EHHADH: variants seen among roughly 807,000 people sequenced by gnomAD.
EHHADH encodes enoyl-CoA hydratase and 3-hydroxyacyl CoA dehydrogenase, also known as peroxisomal bifunctional enzyme.
EHHADH carries 48 observed loss-of-function variants against 64.4 expected under a neutral mutation model. That is an observed-to-expected ratio of 0.75 (90% CI 0.59 to 0.95). The LOEUF (loss-of-function observed/expected upper bound fraction) is 0.95. EHHADH is among the 40% of genes least tolerant of loss of function. The pLI is 0.00. For missense variants in EHHADH, 854 were observed against 876.6 expected (o/e 0.97, Z 0.33); for synonymous variants, 308 against 326.7 (o/e 0.94, Z 0.62).
chr3:185,201,428 G>A (rs896788341), intron 6 of EHHADH, among the ~76,000 whole-genome samples: 7 of 152,200 alleles, frequency 4.6e-5, no homozygotes, highest in African/African-American at 7.2e-5. Context: ...CCCATAAAGC[G>A]CAATGGTCTG....
intron 2 of EHHADH, among the ~76,000 whole-genome samples, chr3:185,237,189 CTAAT>C (rs948913309): frequency 6.6e-6 from 1 of 152,172 alleles, no homozygotes; most frequent in African/African-American, 2.4e-5. Flanking sequence ...ACATCAAAAT[CTAAT>C]TAATATTGGG....
At chr3:185,245,195 G>A (rs1388436325) in intron 2 of EHHADH, among the ~76,000 whole-genome samples, 1 of 151,672 alleles carries the variant, frequency 6.6e-6, no homozygotes, top group Non-Finnish European at 1.5e-5. Context: ...AATTTATCTT[G>A]TATTTTACAG....
chr3:185,235,541 T>C, intron 2 of EHHADH, 79 bp from the exon 3 acceptor site: 2 of 1,165,890 alleles, frequency 1.7e-6, no homozygotes, highest in Non-Finnish European at 2.3e-6. Flanking sequence ...TACCTGATAC[T>C]CTTTAAAAAA....
chr3:185,198,001 T>C (rs1269108661), intron 6 of EHHADH, among the ~76,000 whole-genome samples: 1 of 152,168 alleles, frequency 6.6e-6, no homozygotes, highest in Non-Finnish European at 1.5e-5. Context: ...TTCACCATGT[T>C]GGTCAGGCTG....
chr3:185,245,693 G>T, intron 2 of EHHADH: 1 of 713,684 alleles, frequency 1.4e-6, no homozygotes, highest in Admixed American at 2.1e-5. Context: ...TTTACAAGTT[G>T]GTTATTACCA....
At chr3:185,236,339 C>T (rs1254142322) in intron 2 of EHHADH, among the ~76,000 whole-genome samples, 1 of 143,396 alleles carries the variant, frequency 7.0e-6, no homozygotes, top group Non-Finnish European at 1.6e-5. Flanking sequence ...TGAGGTGGAA[C>T]AGTTTCATCC....
chr3:185,191,023 G>A lies in EHHADH; in HGVS notation c.*1203C>T, dbSNP rs1447602304. 6.6e-6 allele frequency: 1 copy of A among 152,102 alleles called. No individual in the cohort carries two copies. The highest frequency in any genetic ancestry group is 1.5e-5 in the Non-Finnish European group (1 of 68,032). The allele number at this position is 152,102 out of a possible 1,614,324, so 9.4% of individuals were successfully genotyped here. Reference sequence around the variant, plus strand: ...TGTGACCATTACCACAATAAGTTTAGACCATTTTCATGAACCATAAAGAAA... The same window carrying A: ...TGTGACCATTACCACAATAAGTTTAAACCATTTTCATGAACCATAAAGAAA... On this transcript the variant is annotated 3_prime_UTR_variant, in exon 7 of 7. Coordinates refer to ENST00000231887, the MANE Select transcript of EHHADH (RefSeq NM_001966.4).
chr3:185,209,241 A>C (rs1001819377), intron 5 of EHHADH, among the ~76,000 whole-genome samples: 3 of 152,222 alleles, frequency 2.0e-5, no homozygotes, highest in Non-Finnish European at 2.9e-5. Context: ...ATAAGACCTT[A>C]ATAAAAACAG....
At chr3:185,203,640 G>A (rs2108628967) in intron 6 of EHHADH, among the ~76,000 whole-genome samples, 1 of 152,310 alleles carries the variant, frequency 6.6e-6, no homozygotes, top group East Asian at 1.9e-4. Context: ...AAAAAGTAAG[G>A]AAGCCATGGT....
At chr3:185,248,775 G>A (rs965157434) in intron 1 of EHHADH, among the ~76,000 whole-genome samples, 2 of 152,122 alleles carry the variant, frequency 1.3e-5, no homozygotes. Context: ...TAATTTTCCT[G>A]CACTGTGCTT....
chr3:185,199,559 A>G (rs887852325), intron 6 of EHHADH, among the ~76,000 whole-genome samples: 9 of 152,194 alleles, frequency 5.9e-5, no homozygotes, highest in Admixed American at 2.0e-4. Flanking sequence ...CCCACTGCCG[A>G]TTTTTGCACT....
At chr3:185,203,688 A>C (rs980444731) in intron 6 of EHHADH, among the ~76,000 whole-genome samples, 1 of 152,162 alleles carries the variant, frequency 6.6e-6, no homozygotes, top group Admixed American at 6.5e-5. Context: ...GTGGTTTTGA[A>C]CAGGTGAAGT....
Position 185,196,259 on chromosome 3 carries a change from A to C in EHHADH, c.911-2772T>G, listed in dbSNP as rs573230156. 1.1e-4 allele frequency among the ~76,000 whole-genome samples: 16 copies of C among 152,308 alleles called. No homozygotes were observed. The South Asian group carries it at 3.3e-3, about 32-fold the overall frequency. ...TAAAGCTTTAAAATATTTTCCTGTA[A>C]ATTTTGCATTTATACAATAAAAATA... On this transcript the variant is annotated intron_variant, in intron 6 of 6. Transcript: ENST00000231887.
chr3:185,232,325 G>T (rs1318431545), intron 3 of EHHADH, among the ~76,000 whole-genome samples: 4 of 152,146 alleles, frequency 2.6e-5, no homozygotes, highest in Non-Finnish European at 5.9e-5. Flanking sequence ...CAGAAAAGGA[G>T]CACTTAGGAC....
chr3:185,235,428 T>G lies in EHHADH; in HGVS notation c.213A>C (p.Thr71=). Residue 71 remains threonine, a synonymous_variant, in exon 3 of 7, where the codon ACA becomes ACC. Transcript: ENST00000231887. ...ADIRGFSAPR[T]FGLTLGHVVD... is the part of the protein sequence containing the mutation. The stretch of plus-strand genomic sequence containing the variant: ...CTACATGTCCCAGTGTAAGGCCAAA[T>G]GTCCTAGGAGCACTGAAGCCACGAA... 1 of 1,613,414 alleles carries G rather than the reference T, an allele frequency of 6.2e-7. No individual in the cohort carries two copies. Among genetic ancestry groups the G allele is most frequent in the Non-Finnish European group, 8.5e-7 (1 of 1,179,760 alleles).
At chr3:185,240,756 T>C (rs1719426349) in intron 2 of EHHADH, among the ~76,000 whole-genome samples, 1 of 152,138 alleles carries the variant, frequency 6.6e-6, no homozygotes. Flanking sequence ...TATACTATAT[T>C]ACGAACTTAT....
chr3:185,252,046 G>C (rs1474710267), intron 1 of EHHADH, among the ~76,000 whole-genome samples: 7 of 152,164 alleles, frequency 4.6e-5, no homozygotes, highest in African/African-American at 1.7e-4. Flanking sequence ...AAGAGGATGG[G>C]GGTGGCACAG....
At chr3:185,223,336 G>A (rs1718886354) in intron 4 of EHHADH, among the ~76,000 whole-genome samples, 1 of 151,998 alleles carries the variant, frequency 6.6e-6, no homozygotes, top group Admixed American at 6.5e-5. Context: ...TTTAAATACG[G>A]TGTTCTTATT....
chr3:185,246,441 T>C (rs536700318), intron 2 of EHHADH: 11 of 484,250 alleles, frequency 2.3e-5, no homozygotes, highest in African/African-American at 8.1e-5. Flanking sequence ...TCTCCAGATA[T>C]GGATGCGATT....
Sources: gnomAD v4.1 joint callset for allele counts (sites outside exome capture counted in the v4.1 genomes callset) on GRCh38, gnomAD v4.1.1 for gene constraint, MANE v1.5 for transcripts, NCBI Gene and HGNC (gene_info 2026-07-23, HGNC 2026-07-21) for gene names.